ITGB8: variants seen among roughly 807,000 people sequenced by gnomAD.
ITGB8 encodes the protein integrin beta-8.
A neutral mutation model predicts 89.5 loss-of-function variants in ITGB8; 30 were observed. That is an observed-to-expected ratio of 0.34 (90% CI 0.25 to 0.45). The LOEUF (loss-of-function observed/expected upper bound fraction) is 0.45, where lower values mean the gene tolerates loss of function less well. Among genes scored for constraint, ITGB8 ranks in the 20% least tolerant of loss-of-function variants. The pLI is 1.00. For missense variants in ITGB8, 836 were observed against 933.3 expected (o/e 0.90, Z 1.36); for synonymous variants, 335 against 320.4 (o/e 1.05, Z -0.49).
intron 3 of ITGB8, among the ~76,000 whole-genome samples, chr7:20,376,741 A>G (rs1786163152): frequency 6.6e-6 from 1 of 152,162 alleles, no homozygotes; most frequent in African/African-American, 2.4e-5. Context: ...TTAAAGCTAG[A>G]CCCTCACAGC....
intron 1 of ITGB8, among the ~76,000 whole-genome samples, chr7:20,334,502 C>G (rs1428129487): frequency 6.6e-6 from 1 of 152,040 alleles, no homozygotes; most frequent in Admixed American, 6.5e-5. Flanking sequence ...AATGAAATTT[C>G]ACCTTCTGTT....
chr7:20,398,965 G>A lies in ITGB8; in HGVS notation c.1252G>A (p.Gly418Arg). ...PDGSRKPGME[G>R]CRNVTSNDEV... ...TGGGTCCAGAAAGCCAGGCATGGAAGGATGCAGAAACGTGACGAGCAATGA... is the reference window on the plus strand; with the variant it reads ...TGGGTCCAGAAAGCCAGGCATGGAAAGATGCAGAAACGTGACGAGCAATGA... Residue 418 changes from glycine (G) to arginine (R), a missense_variant, in exon 9 of 14, where the codon GGA becomes AGA. Gly to Arg is a moderately radical substitution (Grantham distance 125). Around this residue, in one of 5 missense-constraint regions of ITGB8, gnomAD observed 192 missense variants for 267.1 expected, o/e 0.72. Coordinates refer to ENST00000222573, the MANE Select transcript of ITGB8 (RefSeq NM_002214.3). 6.2e-7 allele frequency: 1 copy of A among 1,613,596 alleles called. No homozygotes were observed. The highest frequency in any genetic ancestry group is 8.5e-7 in the Non-Finnish European group (1 of 1,179,788).
intron 9 of ITGB8, among the ~76,000 whole-genome samples, chr7:20,400,297 A>T (rs1165117788): frequency 2.0e-5 from 3 of 152,166 alleles, no homozygotes; most frequent in African/African-American, 7.2e-5. Flanking sequence ...AGGAATAGTC[A>T]TATGACCTCT....
rs151031753 is a variant in ITGB8, at chr7:20,352,099, C to G, written c.128-11538C>G. ...GAAAATTTCCAGTGAAAACAAGAAA[C>G]AAAGCACATGACTAATACTGCTTTT... On this transcript the variant is annotated intron_variant, in intron 1 of 13. Coordinates refer to ENST00000222573, the MANE Select transcript of ITGB8 (RefSeq NM_002214.3). Among the ~76,000 whole-genome samples the G allele has an allele frequency of 4.8e-3, 736 of 152,288 alleles. 6 individuals are homozygous for G. The highest frequency in any genetic ancestry group is 6.0e-3 in the Non-Finnish European group (407 of 68,008).
chr7:20,399,422 T>A (rs1165891194), intron 9 of ITGB8, among the ~76,000 whole-genome samples: 1 of 152,106 alleles, frequency 6.6e-6, no homozygotes, highest in Non-Finnish European at 1.5e-5. Context: ...AGAATGGGAA[T>A]GATAGAACAG....
Position 20,386,405 on chromosome 7 carries a change from ATTT to A in ITGB8, c.960+4543_960+4545del, listed in dbSNP as rs759304002. On this transcript the variant is annotated intron_variant, in intron 6 of 13. Coordinates refer to ENST00000222573, the MANE Select transcript of ITGB8 (RefSeq NM_002214.3). The stretch of plus-strand genomic sequence containing the variant: ...AGGCGCGTGCCACCACACCTGGCTA[ATTT>A]TTTTTTTTTTTTTTTTTTTTTTGGA... 1.1e-3 allele frequency among the ~76,000 whole-genome samples: 89 copies of A among 80,358 alleles called. 1 individual carries two copies. Among genetic ancestry groups the A allele is most frequent in the African/African-American group, 4.4e-3 (80 of 18,224 alleles). 52.7% of individuals were successfully genotyped at this position (80,358 alleles called of 152,430 possible).
At chr7:20,336,527 G>A (rs1250988521) in intron 1 of ITGB8, among the ~76,000 whole-genome samples, 1 of 152,204 alleles carries the variant, frequency 6.6e-6, no homozygotes, top group African/African-American at 2.4e-5. Flanking sequence ...AACAGGAGCA[G>A]AGGAGATAAG....
chr7:20,396,723 C>T (rs1197601883), intron 8 of ITGB8, among the ~76,000 whole-genome samples: 1 of 152,160 alleles, frequency 6.6e-6, no homozygotes, highest in African/African-American at 2.4e-5. Context: ...AGAAACCACT[C>T]TAAATTCTTT....
chr7:20,390,223 A>G (rs1439434132), intron 6 of ITGB8, among the ~76,000 whole-genome samples: 2 of 152,164 alleles, frequency 1.3e-5, no homozygotes, highest in Non-Finnish European at 2.9e-5. Flanking sequence ...CTTAAATGTT[A>G]TGATACTAAT....
At chr7:20,351,983 T>C (rs1785131462) in intron 1 of ITGB8, among the ~76,000 whole-genome samples, 1 of 152,198 alleles carries the variant, frequency 6.6e-6, no homozygotes, top group African/African-American at 2.4e-5. Context: ...ATTGAAAACA[T>C]TATTTAGAGG....
chr7:20,394,192 A>G (rs1431917240), intron 7 of ITGB8, among the ~76,000 whole-genome samples: 1 of 152,364 alleles, frequency 6.6e-6, no homozygotes, highest in South Asian at 2.1e-4. Context: ...GCAAGAATAA[A>G]TGGATTTCAA....
chr7:20,395,233 A>T (rs1448292261), intron 8 of ITGB8, among the ~76,000 whole-genome samples: 2 of 152,184 alleles, frequency 1.3e-5, no homozygotes, highest in Admixed American at 1.3e-4. Flanking sequence ...GGCTATCTAA[A>T]TTTCCTTCTA....
chr7:20,400,156 G>A (rs1428969393), intron 9 of ITGB8, among the ~76,000 whole-genome samples: 1 of 152,132 alleles, frequency 6.6e-6, no homozygotes, highest in African/African-American at 2.4e-5. Flanking sequence ...CTTAGAAATA[G>A]TTATTTCCTT....
chr7:20,411,861 C>T lies in ITGB8; in HGVS notation c.*1864C>T, dbSNP rs1289877079. 1.3e-5 allele frequency: 2 copies of T among 152,280 alleles called. No homozygotes were observed. Among genetic ancestry groups the T allele is most frequent in the Admixed American group, 1.3e-4 (2 of 15,280 alleles). The allele number at this position is 152,280 out of a possible 1,614,324, so 9.4% of individuals were successfully genotyped here. On this transcript the variant is annotated 3_prime_UTR_variant, in exon 14 of 14. Transcript: ENST00000222573. The stretch of plus-strand genomic sequence containing the variant: ...AGTTCTCCAGTGCTCAGCTTGAGAC[C>T]TTGATACACGGGCCATGAGCCCTGT...
rs1232455406 is a variant in ITGB8, at chr7:20,413,345, G to T, written c.*3348G>T. 1 of 152,444 alleles carries T rather than the reference G, an allele frequency of 6.6e-6. No homozygotes were observed. Among genetic ancestry groups the T allele is most frequent in the African/African-American group, 2.4e-5 (1 of 41,434 alleles). The allele number at this position is 152,444 out of a possible 1,614,324, so 9.4% of individuals were successfully genotyped here. A position where few individuals can be genotyped will look rare whatever the true frequency, so the allele number is the denominator to read the frequency against. On this transcript the variant is annotated 3_prime_UTR_variant, in exon 14 of 14. Coordinates refer to ENST00000222573, the MANE Select transcript of ITGB8 (RefSeq NM_002214.3). ...CATGAGATGCAATCCTTCAAAGAAT[G>T]AATCTGAAATATATTTTTAATATTT... is the stretch of plus-strand genomic sequence containing the variant.
At chr7:20,360,664 A>G (rs910702611) in intron 1 of ITGB8, among the ~76,000 whole-genome samples, 8 of 98,358 alleles carry the variant, frequency 8.1e-5, no homozygotes, top group African/African-American at 3.9e-4. Context: ...AGTTGCTGCA[A>G]AGGACATTAT....
intron 1 of ITGB8, among the ~76,000 whole-genome samples, chr7:20,349,761 A>G (rs1351232774): frequency 2.0e-5 from 3 of 152,228 alleles, no homozygotes; most frequent in Non-Finnish European, 2.9e-5. Context: ...ATGTTTTGCT[A>G]TACACTGGCG....
chr7:20,334,213 T>C (rs886554361), intron 1 of ITGB8, among the ~76,000 whole-genome samples: 1 of 152,190 alleles, frequency 6.6e-6, no homozygotes, highest in Non-Finnish European at 1.5e-5. Context: ...AGTTTGTTTT[T>C]TAACTGTCTC....
chr7:20,340,664 C>T (rs76114181), intron 1 of ITGB8, among the ~76,000 whole-genome samples: 2,908 of 151,422 alleles, frequency 0.019, 50 homozygotes, highest in Non-Finnish European at 0.028. Flanking sequence ...GAACCACAAA[C>T]AGCTTCCCAG....
Sources: allele counts gnomAD v4.1 joint callset (sites outside exome capture counted in the v4.1 genomes callset), GRCh38; gene constraint gnomAD v4.1.1; regional missense constraint gnomAD v4.1.1; transcripts MANE v1.5; gene names NCBI Gene and HGNC (gene_info 2026-07-23, HGNC 2026-07-21).